Variants in COL11A1 observed in about 807,000 individuals in gnomAD.
COL11A1 encodes the protein collagen alpha-1(XI) chain.
Under a neutral mutation model 265.2 loss-of-function variants are expected in COL11A1, and 74 were observed. That is an observed-to-expected ratio of 0.28 (90% CI 0.23 to 0.34). The LOEUF is 0.34. Among genes scored for constraint, COL11A1 ranks in the 10% least tolerant of loss-of-function variants. The pLI, the probability that COL11A1 is intolerant of heterozygous loss-of-function variation, is 1.00. For synonymous variants in COL11A1, 816 were observed against 727.6 expected, an observed-to-expected ratio of 1.12 and a Z score of -1.96; for missense variants, 2,165 against 2,263.6, an observed-to-expected ratio of 0.96 and a Z score of 0.88.
chr1:103,056,415 G>GA (rs1670254561), intron 4 of COL11A1, among the ~76,000 whole-genome samples: 1 of 152,136 alleles, frequency 6.6e-6, no homozygotes, highest in Admixed American at 6.6e-5. Context: ...ATGTGAGAGA[G>GA]AAAATACCAA....
chr1:103,024,197 C>T (rs552210062), intron 7 of COL11A1, among the ~76,000 whole-genome samples: 1 of 152,118 alleles, frequency 6.6e-6, no homozygotes, highest in East Asian at 1.9e-4. Flanking sequence ...TACAATCATA[C>T]CTCACTGCAG....
chr1:102,925,632 A>G (rs1338315039), intron 46 of COL11A1, among the ~76,000 whole-genome samples: 1 of 152,074 alleles, frequency 6.6e-6, no homozygotes, highest in Non-Finnish European at 1.5e-5. Context: ...GAAGAAAAAG[A>G]CAGGTAGTAT....
chr1:103,046,456 GT>G (rs1380224835), intron 4 of COL11A1, among the ~76,000 whole-genome samples: 1 of 151,498 alleles, frequency 6.6e-6, no homozygotes, highest in Non-Finnish European at 1.5e-5. Context: ...GGGGTTGTTA[GT>G]TTTTTTCTTG....
chr1:103,083,219 G>A (rs1366085479), intron 1 of COL11A1, among the ~76,000 whole-genome samples: 1 of 127,338 alleles, frequency 7.9e-6, no homozygotes, highest in Non-Finnish European at 1.7e-5. Flanking sequence ...ACACAGAAGG[G>A]GTGTCTGTGT....
intron 1 of COL11A1, among the ~76,000 whole-genome samples, chr1:103,089,997 A>T (rs530789862): frequency 1.3e-5 from 2 of 152,104 alleles, no homozygotes; most frequent in African/African-American, 4.8e-5. Context: ...GGTGGCATGC[A>T]CCTGTAATCC....
intron 43 of COL11A1, 84 bp from the exon 44 acceptor site, chr1:102,939,172 C>G: frequency 3.2e-6 from 4 of 1,239,678 alleles, no homozygotes; most frequent in Non-Finnish European, 4.7e-6. Context: ...TAAATTTTAC[C>G]TTTAATATAA....
intron 30 of COL11A1, 89 bp from the exon 31 acceptor site, chr1:102,984,280 C>A: frequency 1.2e-6 from 1 of 843,124 alleles, no homozygotes; most frequent in South Asian, 1.7e-5. Context: ...ATATTAGAAT[C>A]ACATATTGTA....
chr1:103,030,520 C>A (rs1667893662), intron 5 of COL11A1, among the ~76,000 whole-genome samples: 2 of 151,716 alleles, frequency 1.3e-5, no homozygotes, highest in East Asian at 1.9e-4. Flanking sequence ...ATTTCTACTT[C>A]CTTTTTAAAA....
chr1:103,028,701 A>T (rs951510826), intron 5 of COL11A1, among the ~76,000 whole-genome samples: 3 of 152,200 alleles, frequency 2.0e-5, no homozygotes, highest in Non-Finnish European at 4.4e-5. Flanking sequence ...AATTTGTAAG[A>T]AAACTGGTGA....
chr1:103,010,223 C>T (rs764502978), intron 14 of COL11A1, among the ~76,000 whole-genome samples: 3 of 151,982 alleles, frequency 2.0e-5, no homozygotes, highest in African/African-American at 2.4e-5. Context: ...GTCAAAATAT[C>T]GATGTAGACT....
At position 103,025,683 on chromosome 1, in the gene COL11A1, A is replaced by C. The variant is rs41292533; in HGVS notation, c.898-70T>G. The stretch of plus-strand genomic sequence containing the variant: ...CCCAAATGTATGGAAATCATGATTT[A>C]ATTGGGTTATAGTATTAGCCAAGTG... On this transcript the variant is annotated intron_variant, in intron 6 of 66. Coordinates refer to ENST00000370096, the MANE Select transcript of COL11A1 (RefSeq NM_001854.4). 8.1e-3 allele frequency: 12,782 copies of C among 1,569,526 alleles called. 88 individuals carry two copies. The highest frequency in any genetic ancestry group is 0.017 in the East Asian group (767 of 44,562).
chr1:102,962,311 A>C (rs1197425744), intron 39 of COL11A1, 46 bp from the exon 40 acceptor site: 1 of 1,412,904 alleles, frequency 7.1e-7, no homozygotes, highest in Admixed American at 1.7e-5. Context: ...ATTTCTACAC[A>C]TCTTTCTACA....
intron 39 of COL11A1, 134 bp downstream of exon 39, chr1:102,962,519 A>G (rs1344805714): frequency 1.2e-5 from 10 of 852,852 alleles, no homozygotes; most frequent in Non-Finnish European, 2.0e-5. Context: ...TTGGAGTACA[A>G]TAAACGCACA....
Position 102,995,815 on chromosome 1 carries a change from G to A in COL11A1, c.2340+49C>T, listed in dbSNP as rs369890562. 2.9e-5 allele frequency: 42 copies of A among 1,439,158 alleles called. No individual in the cohort carries two copies. The African/African-American group carries it at 4.6e-4, about 16-fold the overall frequency. The allele number at this position is 1,439,158 out of a possible 1,614,324, so 89.1% of individuals were successfully genotyped here. On this transcript the variant is annotated intron_variant, in intron 28 of 66. Transcript: ENST00000370096. The stretch of plus-strand genomic sequence containing the variant: ...AAATGTCTGTTGAATAAATTTAAAT[G>A]TTAACATAATACACAGAAATTAATA...
intron 49 of COL11A1, among the ~76,000 whole-genome samples, chr1:102,920,047 T>G (rs910502699): frequency 2.6e-5 from 4 of 152,096 alleles, no homozygotes; most frequent in Non-Finnish European, 4.4e-5. Context: ...CTTATAAATG[T>G]GGATATTAAG....
At chr1:102,909,606 T>A (rs1395201857) in intron 54 of COL11A1, among the ~76,000 whole-genome samples, 2 of 152,072 alleles carry the variant, frequency 1.3e-5, no homozygotes, top group African/African-American at 4.8e-5. Context: ...GAATTAAGAA[T>A]CAGCAATTAA....
chr1:102,925,064 T>C (rs1004873840), intron 46 of COL11A1, among the ~76,000 whole-genome samples: 5 of 152,080 alleles, frequency 3.3e-5, no homozygotes, highest in African/African-American at 1.2e-4. Flanking sequence ...TAATCTATTT[T>C]AGACATAAAA....
At chr1:102,965,594 C>G in intron 37 of COL11A1, 54 bp from the exon 38 acceptor site, 1 of 1,465,646 alleles carries the variant, frequency 6.8e-7, no homozygotes, top group Non-Finnish European at 9.5e-7. Context: ...AAGCATAAAT[C>G]AAAATTCTAT....
rs915121267 is a variant in COL11A1, at chr1:103,105,578, T to G, written c.106+2495A>C. Among the ~76,000 whole-genome samples the G allele has an allele frequency of 6.6e-5, 10 of 152,260 alleles. No homozygotes were observed. In the East Asian group the frequency reaches 1.4e-3, roughly 21 times the overall value. On this transcript the variant is annotated intron_variant, in intron 1 of 66. Coordinates refer to ENST00000370096, the MANE Select transcript of COL11A1 (RefSeq NM_001854.4). ...GTTTTAATTTTATATAAAAGTAGTA[T>G]CTGTTTTAAATTATCTTTGTGCTTA...
Sources: allele counts gnomAD v4.1 joint callset (sites outside exome capture counted in the v4.1 genomes callset), GRCh38; gene constraint gnomAD v4.1.1; transcripts MANE v1.5; gene names NCBI Gene and HGNC (gene_info 2026-07-23, HGNC 2026-07-21).